MAF: variants seen among roughly 807,000 people sequenced by gnomAD.
MAF encodes the protein transcription factor Maf.
A neutral mutation model predicts 22.0 loss-of-function variants in MAF; 10 were observed. The observed-to-expected ratio is 0.45, with a 90% CI of 0.28 to 0.77. The LOEUF is 0.77. Ranked by LOEUF, MAF falls within the 30% of genes least tolerant of loss-of-function variation. The probability of loss-of-function intolerance (pLI) is 0.12; values close to 1 mark genes in which losing one functional copy is unlikely to be tolerated. For synonymous variants in MAF, 337 were observed against 255.8 expected (o/e 1.32, Z -3.03); for missense variants, 544 against 548.4 (o/e 0.99, Z 0.08).
the MAF span, among the ~76,000 whole-genome samples, chr16:79,407,307 G>T: frequency 2.0e-5 from 3 of 152,150 alleles, no homozygotes; most frequent in East Asian, 5.8e-4. Context: ...CAAGCACGCA[G>T]GCCCTACGAA....
the MAF span, among the ~76,000 whole-genome samples, chr16:79,256,682 C>G: frequency 6.6e-6 from 1 of 152,178 alleles, no homozygotes; most frequent in Non-Finnish European, 1.5e-5. Flanking sequence ...TTTCTGAGTT[C>G]CAGACACTGC....
chr16:79,305,057 C>G, the MAF span, among the ~76,000 whole-genome samples: 5 of 152,220 alleles, frequency 3.3e-5, no homozygotes, highest in Non-Finnish European at 7.3e-5. Context: ...GAGCGGCCTA[C>G]AGAATCGTGT....
the MAF span, among the ~76,000 whole-genome samples, chr16:79,452,509 T>G: frequency 6.6e-6 from 1 of 152,208 alleles, no homozygotes; most frequent in Non-Finnish European, 1.5e-5. Context: ...AAGGATTTTT[T>G]AAAAAAGAGT....
At chr16:79,427,106 C>T in the MAF span, among the ~76,000 whole-genome samples, 32 of 152,346 alleles carry the variant, frequency 2.1e-4, no homozygotes, top group African/African-American at 7.5e-4. Flanking sequence ...GTGAGGACCA[C>T]ACGTGATAAT....
chr16:79,577,276 G>A, the MAF span, among the ~76,000 whole-genome samples: 2 of 152,136 alleles, frequency 1.3e-5, no homozygotes, highest in Admixed American at 1.3e-4. Context: ...AAGACGGAGA[G>A]GAGGGCACCT....
the MAF span, among the ~76,000 whole-genome samples, chr16:79,294,213 AT>A: frequency 6.6e-6 from 1 of 152,240 alleles, no homozygotes; most frequent in African/African-American, 2.4e-5. Flanking sequence ...CTCCTGAGTC[AT>A]GCAATCCTTC....
chr16:79,275,798 A>G, the MAF span, among the ~76,000 whole-genome samples: 37 of 152,330 alleles, frequency 2.4e-4, no homozygotes, highest in African/African-American at 8.9e-4. Flanking sequence ...CTTCTGTGCA[A>G]AAATGGAAAG....
At chr16:79,586,756 AG>A (rs1912867292) in intron 1 of MAF, among the ~76,000 whole-genome samples, 1 of 152,240 alleles carries the variant, frequency 6.6e-6, no homozygotes, top group Non-Finnish European at 1.5e-5. Context: ...TTAATAACAA[AG>A]CAGACCTGTC....
the MAF span, among the ~76,000 whole-genome samples, chr16:79,327,680 G>A: frequency 6.6e-6 from 1 of 152,102 alleles, no homozygotes; most frequent in Non-Finnish European, 1.5e-5. Flanking sequence ...TTTGTTCATC[G>A]TCATAATGTT....
At chr16:79,215,636 G>C in the MAF span, among the ~76,000 whole-genome samples, 1 of 152,046 alleles carries the variant, frequency 6.6e-6, no homozygotes, top group Non-Finnish European at 1.5e-5. Context: ...TGAGGCCTCG[G>C]GGAACTTTGT....
the MAF span, among the ~76,000 whole-genome samples, chr16:79,577,785 T>C: frequency 1.6e-4 from 25 of 152,362 alleles, no homozygotes; most frequent in South Asian, 5.0e-3. Context: ...AGTAAAATTT[T>C]GTGATTAAAT....
At chr16:79,367,344 G>A in the MAF span, among the ~76,000 whole-genome samples, 8 of 152,102 alleles carry the variant, frequency 5.3e-5, no homozygotes, top group East Asian at 1.5e-3. Flanking sequence ...CAGGGGAAGG[G>A]GCCTACCTTC....
At chr16:79,558,845 T>A in the MAF span, among the ~76,000 whole-genome samples, 1 of 152,228 alleles carries the variant, frequency 6.6e-6, no homozygotes, top group African/African-American at 2.4e-5. Flanking sequence ...TAGGGGCTCC[T>A]GATTCTTTGG....
chr16:79,422,727 T>A, the MAF span, among the ~76,000 whole-genome samples: 45 of 152,280 alleles, frequency 3.0e-4, no homozygotes, highest in East Asian at 6.2e-3. Flanking sequence ...TCAACAATAT[T>A]TATTGAAGAC....
At chr16:79,528,528 C>A in the MAF span, among the ~76,000 whole-genome samples, 2 of 152,100 alleles carry the variant, frequency 1.3e-5, no homozygotes, top group Non-Finnish European at 2.9e-5. Flanking sequence ...CCAGATTCAG[C>A]ATGAAGGATC....
chr16:79,237,299 C>T, the MAF span, among the ~76,000 whole-genome samples: 505 of 152,232 alleles, frequency 3.3e-3, 11 homozygotes, highest in Admixed American at 0.023. Context: ...ACCATTAACA[C>T]GCAGGCTCTA....
chr16:79,514,493 G>T, the MAF span, among the ~76,000 whole-genome samples: 4 of 152,188 alleles, frequency 2.6e-5, no homozygotes, highest in African/African-American at 9.7e-5. Flanking sequence ...CTTGTCAGTT[G>T]AGAATTGAAG....
At chr16:79,396,917 T>C in the MAF span, among the ~76,000 whole-genome samples, 1 of 152,230 alleles carries the variant, frequency 6.6e-6, no homozygotes, top group East Asian at 1.9e-4. Context: ...GCCATGGCCC[T>C]AGCTCTGCAG....
At chr16:79,574,910 T>A in the MAF span, among the ~76,000 whole-genome samples, 1 of 152,128 alleles carries the variant, frequency 6.6e-6, no homozygotes, top group African/African-American at 2.4e-5. Context: ...GAGTAAAATA[T>A]GGGAAATTCA....
Sources: gnomAD v4.1 joint callset for allele counts (sites outside exome capture counted in the v4.1 genomes callset) on GRCh38, gnomAD v4.1.1 for gene constraint, MANE v1.5 for transcripts, NCBI Gene and HGNC (gene_info 2026-07-23, HGNC 2026-07-21) for gene names.